ERC2: variants seen among roughly 807,000 people sequenced by gnomAD.
The protein encoded by ERC2 is ERC protein 2.
ERC2 carries 42 observed loss-of-function variants against 114.8 expected under a neutral mutation model. That is an observed-to-expected ratio of 0.37 (90% CI 0.29 to 0.47). ERC2 has a LOEUF of 0.47. ERC2 is among the 20% of genes least tolerant of loss of function. The pLI is 0.99. For synonymous variants in ERC2, 454 were observed against 425.5 expected (o/e 1.07, Z -0.82); for missense variants, 939 against 1,150.7 (o/e 0.82, Z 2.66).
chr3:55,745,646 T>C (rs778213977), intron 14 of ERC2, among the ~76,000 whole-genome samples: 3 of 152,206 alleles, frequency 2.0e-5, no homozygotes, highest in Non-Finnish European at 2.9e-5. Context: ...TGGCAGGTTA[T>C]AGATGAGTGA....
chr3:55,866,066 T>C (rs2062298449), intron 14 of ERC2, among the ~76,000 whole-genome samples: 1 of 152,184 alleles, frequency 6.6e-6, no homozygotes, highest in South Asian at 2.1e-4. Flanking sequence ...TTTACAGTCC[T>C]ACTGGCAAAT....
intron 17 of ERC2, among the ~76,000 whole-genome samples, chr3:55,517,239 A>G (rs1385051458): frequency 6.6e-6 from 1 of 152,000 alleles, no homozygotes; most frequent in African/African-American, 2.4e-5. Context: ...CCAGGAGTTC[A>G]AGACCAGCCT....
chr3:56,394,988 A>G (rs913304460), intron 2 of ERC2, among the ~76,000 whole-genome samples: 1 of 152,190 alleles, frequency 6.6e-6, no homozygotes, highest in Non-Finnish European at 1.5e-5. Context: ...AACAAAAGGA[A>G]TAAAGAACAG....
intron 2 of ERC2, among the ~76,000 whole-genome samples, chr3:56,383,429 C>A (rs1043888263): frequency 6.6e-6 from 1 of 152,198 alleles, no homozygotes; most frequent in Non-Finnish European, 1.5e-5. Flanking sequence ...TTGTTGCTGT[C>A]ACTGCTATAA....
At chr3:55,957,740 G>A (rs903179962) in intron 12 of ERC2, among the ~76,000 whole-genome samples, 2 of 152,138 alleles carry the variant, frequency 1.3e-5, no homozygotes, top group African/African-American at 4.8e-5. Flanking sequence ...GGAGGGGGGG[G>A]CAGCTCCAGG....
chr3:56,284,988 GTCTCTC>G (rs397873939), intron 3 of ERC2, among the ~76,000 whole-genome samples: 1,352 of 115,610 alleles, frequency 0.012, 21 homozygotes, highest in African/African-American at 0.043. Context: ...CAATCACTCT[GTCTCTC>G]TCTCTCTCTC....
At chr3:56,406,833 T>A (rs191101516) in intron 2 of ERC2, among the ~76,000 whole-genome samples, 2 of 152,320 alleles carry the variant, frequency 1.3e-5, no homozygotes, top group Admixed American at 6.5e-5. Flanking sequence ...AAAGTTAGAT[T>A]AATTAGAAGT....
intron 2 of ERC2, among the ~76,000 whole-genome samples, chr3:56,417,286 C>T (rs2061203601): frequency 6.6e-6 from 1 of 152,092 alleles, no homozygotes; most frequent in Non-Finnish European, 1.5e-5. Context: ...TCTATTACTC[C>T]CTACAATGAT....
Position 55,637,752 on chromosome 3 carries a change from G to A in ERC2, c.*39+46042C>T, listed in dbSNP as rs181928643. Among the ~76,000 whole-genome samples, 258 of 152,032 alleles carry A rather than the reference G, an allele frequency of 1.7e-3. 1 individual carries two copies. The highest frequency in any genetic ancestry group is 3.4e-3 in the Middle Eastern group (1 of 294). On this transcript the variant is annotated intron_variant, in intron 17 of 17. Coordinates refer to ENST00000288221, the MANE Select transcript of ERC2 (RefSeq NM_015576.3). ...GAACCTGCTCTCTCTATCGAGCATC[G>A]TCACTGGCACACTGTAGGTGTTTAT...
At chr3:55,692,792 G>C (rs2062731891) in intron 16 of ERC2, among the ~76,000 whole-genome samples, 1 of 152,190 alleles carries the variant, frequency 6.6e-6, no homozygotes, top group Non-Finnish European at 1.5e-5. Context: ...ACACAGAAAG[G>C]AAAAGCAGAT....
chr3:55,791,847 A>G (rs895210804), intron 14 of ERC2, among the ~76,000 whole-genome samples: 1 of 151,646 alleles, frequency 6.6e-6, no homozygotes, highest in Non-Finnish European at 1.5e-5. Context: ...ACTGTTTTGT[A>G]TTCTAGTGGG....
At chr3:55,606,555 T>C (rs1362931622) in intron 17 of ERC2, 1 of 152,202 alleles carries the variant, frequency 6.6e-6, no homozygotes, top group African/African-American at 2.4e-5. Context: ...ACACAACAAT[T>C]TACATCATGT....
intron 3 of ERC2, among the ~76,000 whole-genome samples, chr3:56,254,335 C>T (rs1214890482): frequency 6.7e-6 from 1 of 149,480 alleles, no homozygotes; most frequent in Non-Finnish European, 1.5e-5. Context: ...CCTTAAACCC[C>T]TTTTTTTTTT....
chr3:56,377,894 C>T (rs904210304), intron 2 of ERC2, among the ~76,000 whole-genome samples: 6 of 151,924 alleles, frequency 3.9e-5, no homozygotes, highest in South Asian at 2.1e-4. Flanking sequence ...AAAAAAGTAT[C>T]GGAGCATCCA....
At chr3:55,733,511 TTCTC>T (rs1364134939) in intron 15 of ERC2, among the ~76,000 whole-genome samples, 7 of 46,724 alleles carry the variant, frequency 1.5e-4, no homozygotes, top group East Asian at 4.9e-4. Flanking sequence ...CTCTCTCTCA[TTCTC>T]TCTGTCTCTC....
At chr3:56,176,507 G>A (rs879922821) in intron 3 of ERC2, among the ~76,000 whole-genome samples, 1 of 151,996 alleles carries the variant, frequency 6.6e-6, no homozygotes, top group Non-Finnish European at 1.5e-5. Context: ...ATACAAACCA[G>A]CTAAAAATCC....
chr3:56,404,813 A>T (rs2060650927), intron 2 of ERC2, among the ~76,000 whole-genome samples: 1 of 152,226 alleles, frequency 6.6e-6, no homozygotes, highest in South Asian at 2.1e-4. Context: ...AAATAATTAT[A>T]ACAACAATAT....
rs552291683 is a variant in ERC2, at chr3:56,249,499, T to C, written c.1074+46520A>G. Among the ~76,000 whole-genome samples the C allele has an allele frequency of 5.4e-4, 82 of 152,106 alleles. 1 individual carries two copies. Among genetic ancestry groups the C allele is most frequent in the Non-Finnish European group, 3.5e-4 (24 of 67,996 alleles). ...CGCCACCACGCCCAGCTAATTTTTT[T>C]GTATTTTTAGTAGAGACGGGGTTTC... On this transcript the variant is annotated intron_variant, in intron 3 of 17. Coordinates refer to ENST00000288221, the MANE Select transcript of ERC2 (RefSeq NM_015576.3).
intron 12 of ERC2, among the ~76,000 whole-genome samples, chr3:55,985,359 G>A (rs2070527860): frequency 6.6e-6 from 1 of 152,038 alleles, no homozygotes; most frequent in Non-Finnish European, 1.5e-5. Flanking sequence ...CTATGCCCTA[G>A]GTAATTAAAG....
Sources: gnomAD v4.1 joint callset for allele counts (sites outside exome capture counted in the v4.1 genomes callset) on GRCh38, gnomAD v4.1.1 for gene constraint, MANE v1.5 for transcripts, NCBI Gene and HGNC (gene_info 2026-07-23, HGNC 2026-07-21) for gene names.